RNF31: variants seen among roughly 807,000 people sequenced by gnomAD.
The protein encoded by RNF31 is ring finger protein 31, also known as E3 ubiquitin-protein ligase RNF31.
RNF31 carries 38 observed loss-of-function variants against 133.6 expected under a neutral mutation model. The observed-to-expected ratio is 0.28, with a 90% CI of 0.22 to 0.37. The LOEUF (loss-of-function observed/expected upper bound fraction) is 0.37. RNF31 is among the 10% of genes least tolerant of loss of function. The pLI is 1.00. For synonymous variants in RNF31, 582 were observed against 552.3 expected (o/e 1.05, Z -0.75); for missense variants, 1,118 against 1,394.1 (o/e 0.80, Z 3.15).
chr14:24,149,638 T>C, intron 6 of RNF31, 55 bp downstream of exon 6: 2 of 1,536,434 alleles, frequency 1.3e-6, no homozygotes, highest in South Asian at 2.3e-5. Flanking sequence ...TAAGATCACT[T>C]GATTATGGAC....
intron 3 of RNF31, 25 bp from the exon 4 acceptor site, chr14:24,148,617 A>AC (rs1313297711): frequency 6.2e-7 from 1 of 1,613,720 alleles, no homozygotes. Context: ...CTAGCTGGAA[A>AC]CCGTTTTTAT....
chr14:24,160,578 G>C lies in RNF31; in HGVS notation c.*5G>C. The C allele has an allele frequency of 6.6e-7, 1 of 1,525,618 alleles. No individual in the cohort carries two copies. Among genetic ancestry groups the C allele is most frequent in the Non-Finnish European group, 8.8e-7 (1 of 1,134,814 alleles). 94.5% of individuals were successfully genotyped at this position (1,525,618 alleles called of 1,614,324 possible). A position where few individuals can be genotyped will look rare whatever the true frequency, so the allele number is the denominator to read the frequency against. On this transcript the variant is annotated 3_prime_UTR_variant, in exon 21 of 21. Coordinates refer to ENST00000324103, the MANE Select transcript of RNF31 (RefSeq NM_017999.5). This position sits in a 1 kb window ranked among gnomAD's most constrained non-coding sequence, Gnocchi z 4.0. ...ATCCCCCGCAGGCGGAAGTAGCTGA[G>C]GGCAAGGGTCCCGATGAGGGTCCCA...
Position 24,147,973 on chromosome 14 carries a change from C to G in RNF31, c.193-3C>G. The stretch of plus-strand genomic sequence containing the variant: ...CACACCTCTCTGCTCTCCTTGCTCC[C>G]AGCCCCGAAACTACCTCAACACCCT... On this transcript the variant is annotated splice_region_variant and splice_polypyrimidine_tract_variant and intron_variant, in intron 1 of 20. Coordinates refer to ENST00000324103, the MANE Select transcript of RNF31 (RefSeq NM_017999.5). 1.2e-6 allele frequency: 2 copies of G among 1,613,956 alleles called. No homozygotes were observed. The highest frequency in any genetic ancestry group is 8.5e-7 in the Non-Finnish European group (1 of 1,180,036).
chr14:24,149,394 C>T lies in RNF31; in HGVS notation c.632-12C>T, dbSNP rs372191060. 7.7e-5 allele frequency: 124 copies of T among 1,610,126 alleles called. 4 individuals carry two copies. The African/African-American group carries it at 1.5e-3, about 19-fold the overall frequency. Reference sequence around the variant, plus strand: ...TTTTTTGGAAAGATGTTCCATCTCTCCTGCCCTCCAGGCTCCACTCCTGGT... The same window carrying T: ...TTTTTTGGAAAGATGTTCCATCTCTTCTGCCCTCCAGGCTCCACTCCTGGT... On this transcript the variant is annotated splice_polypyrimidine_tract_variant and intron_variant, in intron 5 of 20. Coordinates refer to ENST00000324103, the MANE Select transcript of RNF31 (RefSeq NM_017999.5).
At chr14:24,153,354 G>A (rs1460203158) in intron 11 of RNF31, among the ~76,000 whole-genome samples, 2 of 152,064 alleles carry the variant, frequency 1.3e-5, no homozygotes, top group Non-Finnish European at 2.9e-5. Flanking sequence ...CAACGTGGGT[G>A]GATCACGAGG....
intron 5 of RNF31, 184 bp downstream of exon 5, chr14:24,149,060 T>C: frequency 1.6e-6 from 1 of 636,944 alleles, no homozygotes; most frequent in South Asian, 1.8e-5. Flanking sequence ...ACCTCCCGGG[T>C]TCAAGCGATT....
rs14588 is a variant in RNF31 at position 24,160,621 on chromosome 14, A to G, written c.*48A>G. Reference sequence around the variant, plus strand: ...GGGTCCCATGGCCTGCTCCCTCAGGAACAGCTCCAGCACCAATAAAGAGGC... The same window carrying G: ...GGGTCCCATGGCCTGCTCCCTCAGGGACAGCTCCAGCACCAATAAAGAGGC... On this transcript the variant is annotated 3_prime_UTR_variant, in exon 21 of 21. Transcript: ENST00000324103. The surrounding 1 kb of genome is among the most constrained non-coding windows in gnomAD (Gnocchi z 4.0). 2 of 1,437,812 alleles carry G rather than the reference A, an allele frequency of 1.4e-6. No homozygotes were observed. The highest frequency in any genetic ancestry group is 3.0e-5 in the South Asian group (2 of 67,370). The allele number at this position is 1,437,812 out of a possible 1,614,324, so 89.1% of individuals were successfully genotyped here.
At chr14:24,154,049 G>A (rs538190222) in intron 11 of RNF31, among the ~76,000 whole-genome samples, 7 of 151,318 alleles carry the variant, frequency 4.6e-5, no homozygotes, top group East Asian at 2.0e-4. Flanking sequence ...TGGCTGGAGC[G>A]CAGTCGCGCA....
intron 11 of RNF31, among the ~76,000 whole-genome samples, chr14:24,153,929 T>C (rs141748686): frequency 0.014 from 2,098 of 152,120 alleles, 53 homozygotes; most frequent in African/African-American, 0.048. Context: ...AATAAATAAA[T>C]GTAGAATCTA....
chr14:24,149,726 A>G, intron 6 of RNF31, 143 bp downstream of exon 6: 4 of 881,252 alleles, frequency 4.5e-6, no homozygotes, highest in African/African-American at 1.7e-5. Flanking sequence ...GATAATAGAC[A>G]TACACATCAA....
At position 24,151,172 on chromosome 14, in the gene RNF31, G is replaced by A. The variant is rs571789479; in HGVS notation, c.1530G>A (p.Ser510=). ...GTGCCTGTCCAGAGGAGATCTTCTC[G>A]GCTCTGCAGTACTCGGGCACTGAGG... ...AAGACPEEIF[S]ALQYSGTEVP... is the part of the protein sequence containing the mutation. Residue 510 remains serine, a synonymous_variant, in exon 9 of 21, where the codon TCG becomes TCA. Transcript: ENST00000324103. This position sits in a 1 kb window ranked among gnomAD's most constrained non-coding sequence, Gnocchi z 5.3. 9 of 1,614,130 alleles carry A rather than the reference G, an allele frequency of 5.6e-6. No individual in the cohort carries two copies. Among genetic ancestry groups the A allele is most frequent in the Admixed American group, 3.3e-5 (2 of 60,018 alleles).
chr14:24,150,928 C>A (rs2038256347), intron 8 of RNF31, 40 bp downstream of exon 8: 3 of 1,532,630 alleles, frequency 2.0e-6, no homozygotes, highest in South Asian at 1.3e-5. Flanking sequence ...CTGAGCTGGT[C>A]TGGGAAAGGA....
chr14:24,150,535 C>T (rs2038248112), intron 7 of RNF31, 63 bp from the exon 8 acceptor site: 1 of 1,577,984 alleles, frequency 6.3e-7, no homozygotes, highest in Non-Finnish European at 8.6e-7. Flanking sequence ...CTCCCAACTC[C>T]CTGTATTTCT....
rs868587595 is a variant in RNF31, at chr14:24,152,130, A to G, written c.2130+138A>G. 43 of 777,676 alleles carry G rather than the reference A, an allele frequency of 5.5e-5. No homozygotes were observed. The Middle Eastern group carries it at 3.7e-3, about 67-fold the overall frequency. 48.2% of individuals were successfully genotyped at this position (777,676 alleles called of 1,614,324 possible). ...CCCCTGAAGGCTCCTGGGAGGGGGA[A>G]GTCAGGAACAGGCTTATCTCCTCCC... On this transcript the variant is annotated intron_variant, in intron 11 of 20. Coordinates refer to ENST00000324103, the MANE Select transcript of RNF31 (RefSeq NM_017999.5).
rs972151680 is a variant in RNF31, at chr14:24,157,342, G to A, written c.2546G>A (p.Arg849His). ...RSCEDFQNWK[R>H]MNDPEYQAQG... ...TGTGAGGACTTCCAGAACTGGAAACGCATGAACGACCCAGAATACCAGGCC... is the reference window on the plus strand; with the variant it reads ...TGTGAGGACTTCCAGAACTGGAAACACATGAACGACCCAGAATACCAGGCC... The change falls in exon 15 of 21, where the codon CGC becomes CAC. Residue 849 changes from arginine (R) to histidine (H), a missense_variant. Around this residue, in one of 3 missense-constraint regions of RNF31, gnomAD observed 201 missense variants for 371.7 expected, o/e 0.54. Transcript: ENST00000324103. The A allele has an allele frequency of 6.2e-7, 1 of 1,612,734 alleles. No individual in the cohort carries two copies.
At chr14:24,157,047 G>T (rs2038350671) in intron 14 of RNF31, among the ~76,000 whole-genome samples, 1 of 152,180 alleles carries the variant, frequency 6.6e-6, no homozygotes, top group Non-Finnish European at 1.5e-5. Flanking sequence ...TAGCAGTAGG[G>T]ATGAAGGAAA....
intron 5 of RNF31, chr14:24,149,129 A>T: frequency 3.4e-6 from 2 of 591,300 alleles, no homozygotes; most frequent in Non-Finnish European, 6.0e-6. Context: ...GCGCTCGGCT[A>T]ATTTTGTATT....
At chr14:24,148,467 G>GC in intron 3 of RNF31, 54 bp downstream of exon 3, 2 of 1,612,928 alleles carry the variant, frequency 1.2e-6, no homozygotes, top group South Asian at 2.2e-5. Flanking sequence ...GGGGAGCCCA[G>GC]CCTAACTCAA....
At chr14:24,148,760 G>T (rs1290833452) in intron 4 of RNF31, 41 bp from the exon 5 acceptor site, 1 of 1,613,246 alleles carries the variant, frequency 6.2e-7, no homozygotes, top group East Asian at 2.2e-5. Flanking sequence ...GAGACTCTGT[G>T]TCCCTAAACC....
Sources: allele counts gnomAD v4.1 joint callset (sites outside exome capture counted in the v4.1 genomes callset), GRCh38; gene constraint gnomAD v4.1.1; regional missense constraint gnomAD v4.1.1; non-coding constraint Gnocchi (gnomAD v3.1); transcripts MANE v1.5; gene names NCBI Gene and HGNC (gene_info 2026-07-23, HGNC 2026-07-21).